The following SGMS2 variants were observed in gnomAD, a reference collection of about 807,000 sequenced individuals.
SGMS2 encodes the protein sphingomyelin synthase 2, also known as phosphatidylcholine:ceramide cholinephosphotransferase 2.
In SGMS2, 21 loss-of-function variants were observed where a neutral mutation model predicts 43.8. The ratio of observed to expected loss-of-function variants is 0.48; its 90% CI spans 0.34 to 0.69. The LOEUF (loss-of-function observed/expected upper bound fraction) is 0.69, where lower values mean the gene tolerates loss of function less well. Ranked by LOEUF, SGMS2 falls within the 30% of genes least tolerant of loss-of-function variation. The pLI is 0.01. For missense variants in SGMS2, 384 were observed against 443.2 expected (o/e 0.87, Z 1.20); for synonymous variants, 167 against 160.6 (o/e 1.04, Z -0.30).
At chr4:107,849,531 C>A (rs181757195) in intron 1 of SGMS2, among the ~76,000 whole-genome samples, 1 of 152,284 alleles carries the variant, frequency 6.6e-6, no homozygotes, top group African/African-American at 2.4e-5. Context: ...TCTCCTTCAA[C>A]AAATACTTGA....
rs73838240 is a variant in SGMS2 at position 107,831,996 on chromosome 4, C to T, written c.-327+6743C>T. Among the ~76,000 whole-genome samples the T allele has an allele frequency of 2.9e-3, 446 of 152,226 alleles. 4 individuals are homozygous for T. The highest frequency in any genetic ancestry group is 0.01 in the African/African-American group (424 of 41,526). On this transcript the variant is annotated intron_variant, in intron 1 of 6. Transcript: ENST00000690982. ...GAACACCACTGTCCCAGAAAGTGCCCGGGCCACTAAGAATCACAAACCCTA... is the reference window on the plus strand; with the variant it reads ...GAACACCACTGTCCCAGAAAGTGCCTGGGCCACTAAGAATCACAAACCCTA...
At chr4:107,863,527 A>T (rs530363525) in intron 2 of SGMS2, 79 of 152,314 alleles carry the variant, frequency 5.2e-4, no homozygotes, top group African/African-American at 1.8e-3. Flanking sequence ...CAATCATAGA[A>T]ATTTTAACCA....
intron 1 of SGMS2, among the ~76,000 whole-genome samples, chr4:107,853,595 C>T (rs1727272475): frequency 6.6e-6 from 1 of 152,136 alleles, no homozygotes; most frequent in Admixed American, 6.5e-5. Context: ...TCAGTGACTT[C>T]CTTATCTTGA....
At chr4:107,858,716 G>A (rs1012861885) in intron 2 of SGMS2, 163 bp downstream of exon 2, 6 of 152,204 alleles carry the variant, frequency 3.9e-5, no homozygotes, top group Non-Finnish European at 8.8e-5. Flanking sequence ...CATAAATGTC[G>A]TAACTCTGAG....
chr4:107,824,969 A>AC lies in SGMS2; in HGVS notation c.-608dup, dbSNP rs1190341610. 3 of 150,860 alleles carry AC rather than the reference A, an allele frequency of 2.0e-5. No individual in the cohort carries two copies. The highest frequency in any genetic ancestry group is 1.5e-5 in the Non-Finnish European group (1 of 67,720). 9.3% of individuals were successfully genotyped at this position (150,860 alleles called of 1,614,324 possible). A position where few individuals can be genotyped will look rare whatever the true frequency, so the allele number is the denominator to read the frequency against. On this transcript the variant is annotated 5_prime_UTR_variant, in exon 1 of 7. Coordinates refer to ENST00000690982, the MANE Select transcript of SGMS2 (RefSeq NM_001375905.1). ...GCCGTGGGCCGAGTGGGGCGGGGAG[A>AC]CCCAGCCCTCGGCGCGCACGGAGCC...
intron 1 of SGMS2, among the ~76,000 whole-genome samples, chr4:107,856,332 A>G (rs900195567): frequency 5.3e-5 from 8 of 152,206 alleles, no homozygotes; most frequent in African/African-American, 1.9e-4. Flanking sequence ...TTGGAGTAGT[A>G]AGCTTGAATT....
chr4:107,855,772 C>A (rs1727389041), intron 1 of SGMS2, among the ~76,000 whole-genome samples: 1 of 152,082 alleles, frequency 6.6e-6, no homozygotes, highest in Non-Finnish European at 1.5e-5. Flanking sequence ...CTGTCCATTG[C>A]CAAAAGTGGG....
chr4:107,877,740 G>A (rs2126072608), intron 2 of SGMS2, among the ~76,000 whole-genome samples: 1 of 152,046 alleles, frequency 6.6e-6, no homozygotes, highest in African/African-American at 2.4e-5. Flanking sequence ...ATATTATAGG[G>A]ACTTCCTTTG....
At chr4:107,878,210 G>A (rs1053615318) in intron 2 of SGMS2, among the ~76,000 whole-genome samples, 3 of 152,040 alleles carry the variant, frequency 2.0e-5, no homozygotes, top group South Asian at 2.1e-4. Context: ...CACTGTGCCC[G>A]GCCTCAGCCT....
intron 1 of SGMS2, among the ~76,000 whole-genome samples, chr4:107,848,844 A>G (rs1254482661): frequency 6.6e-6 from 1 of 152,106 alleles, no homozygotes; most frequent in African/African-American, 2.4e-5. Flanking sequence ...TCTCCTAGTC[A>G]ATGACTTGTC....
At chr4:107,829,979 C>G (rs1725797469) in intron 1 of SGMS2, among the ~76,000 whole-genome samples, 1 of 152,130 alleles carries the variant, frequency 6.6e-6, no homozygotes, top group Non-Finnish European at 1.5e-5. Context: ...TATTTTGTCA[C>G]TCAGATAGCA....
chr4:107,877,971 A>C (rs1468766282), intron 2 of SGMS2, among the ~76,000 whole-genome samples: 1 of 134,210 alleles, frequency 7.5e-6, no homozygotes, highest in African/African-American at 2.9e-5. Flanking sequence ...GCTGGAGGGC[A>C]GTGGTGCAAT....
intron 1 of SGMS2, among the ~76,000 whole-genome samples, chr4:107,827,013 T>C (rs1217771804): frequency 6.6e-6 from 1 of 152,220 alleles, no homozygotes; most frequent in African/African-American, 2.4e-5. Flanking sequence ...TTAAACTCTT[T>C]GGGATTTTTG....
At chr4:107,842,468 C>A (rs1199615216) in intron 1 of SGMS2, among the ~76,000 whole-genome samples, 3 of 152,208 alleles carry the variant, frequency 2.0e-5, no homozygotes, top group Admixed American at 1.3e-4. Flanking sequence ...CGAACCAATT[C>A]ATGAGGGATC....
intron 2 of SGMS2, among the ~76,000 whole-genome samples, chr4:107,892,016 C>T (rs1322917176): frequency 6.6e-6 from 1 of 151,698 alleles, no homozygotes; most frequent in Non-Finnish European, 1.5e-5. Flanking sequence ...AGAAGTTTCT[C>T]GGGCTGCTTT....
chr4:107,882,438 ATTT>A (rs901248701), intron 2 of SGMS2, among the ~76,000 whole-genome samples: 1 of 151,924 alleles, frequency 6.6e-6, no homozygotes, highest in Non-Finnish European at 1.5e-5. Flanking sequence ...ACTTTTGCTT[ATTT>A]TTTTACTCAG....
chr4:107,908,101 A>G (rs1329553808), intron 5 of SGMS2: 1 of 158,100 alleles, frequency 6.3e-6, no homozygotes, highest in African/African-American at 2.4e-5. Context: ...ATACCCCTGG[A>G]GAAATAATAT....
intron 1 of SGMS2, among the ~76,000 whole-genome samples, chr4:107,837,556 C>T (rs918420571): frequency 1.3e-5 from 2 of 152,042 alleles, no homozygotes; most frequent in African/African-American, 4.8e-5. Flanking sequence ...TTGGGTAGGG[C>T]TGGCATGCTT....
At chr4:107,863,733 A>AT (rs1188176032) in intron 2 of SGMS2, 1 of 152,196 alleles carries the variant, frequency 6.6e-6, no homozygotes, top group African/African-American at 2.4e-5. Context: ...CTTCTGTTAT[A>AT]TCCCCCTTTT....
Sources: allele counts gnomAD v4.1 joint callset (sites outside exome capture counted in the v4.1 genomes callset), GRCh38; gene constraint gnomAD v4.1.1; transcripts MANE v1.5; gene names NCBI Gene and HGNC (gene_info 2026-07-23, HGNC 2026-07-21).